Variants in ZNF391 observed in about 807,000 individuals in gnomAD.
ZNF391 encodes zinc finger protein 391.
For synonymous variants in ZNF391, 126 were observed against 142.1 expected (o/e 0.89, Z 0.80); for missense variants, 375 against 425.5 (o/e 0.88, Z 1.04).
chr6:27,389,299 TGGGA>T (rs1281850334), intron 1 of ZNF391: 1 of 455,678 alleles, frequency 2.2e-6, no homozygotes, highest in East Asian at 7.0e-5. Flanking sequence ...GGTGTATCCC[TGGGA>T]GATGAAAAAG....
Position 27,377,511 on chromosome 6 carries a change from AG to A in ZNF391, n.523+2375del, listed in dbSNP as rs200124011. 3.6e-3 allele frequency among the ~76,000 whole-genome samples: 549 copies of A among 152,364 alleles called. 4 individuals are homozygous for A. Among genetic ancestry groups the A allele is most frequent in the African/African-American group, 0.013 (521 of 41,582 alleles). On this transcript the variant is annotated intron_variant and non_coding_transcript_variant, in intron 1 of 2. Transcript: ENST00000477999. ...TTTGCCTCCTTTGGAAAGGCTAATC[AG>A]AAACTCAAAAAATGTAACTGTTTAT...
In ZNF391 at chr6:27,402,011, C is replaced by G. The variant is rs1287586953; in HGVS notation, c.*564C>G. 6.6e-6 allele frequency: 1 copy of G among 152,208 alleles called. No individual in the cohort carries two copies. The highest frequency in any genetic ancestry group is 1.5e-5 in the Non-Finnish European group (1 of 68,048). The allele number at this position is 152,208 out of a possible 1,614,324, so 9.4% of individuals were successfully genotyped here. On this transcript the variant is annotated 3_prime_UTR_variant, in exon 3 of 3. Coordinates refer to ENST00000244576, the MANE Select transcript of ZNF391 (RefSeq NM_001076781.3). ...GGGGATAATAGTGTTGAGGCAAATT[C>G]ATTCTCTTGACTTGCAAAAACAGAT...
At position 27,388,964 on chromosome 6, in the gene ZNF391, C is replaced by G; in HGVS notation, c.-299C>G. 2.2e-6 allele frequency: 1 copy of G among 456,522 alleles called. No individual in the cohort carries two copies. The highest frequency in any genetic ancestry group is 1.5e-5 in the South Asian group (1 of 64,526). 28.3% of individuals were successfully genotyped at this position (456,522 alleles called of 1,614,324 possible). A position where few individuals can be genotyped will look rare whatever the true frequency, so the allele number is the denominator to read the frequency against. On this transcript the variant is annotated 5_prime_UTR_variant, in exon 1 of 3. Transcript: ENST00000244576. Reference sequence around the variant, plus strand: ...TTCTCTTTAATCCTTCCGACTTCCCCAAGCCCAGCGCACTCAGGTTCCGCT... The same window carrying G: ...TTCTCTTTAATCCTTCCGACTTCCCGAAGCCCAGCGCACTCAGGTTCCGCT...
At chr6:27,396,251 C>A (rs570458541) in intron 1 of ZNF391, among the ~76,000 whole-genome samples, 1 of 152,064 alleles carries the variant, frequency 6.6e-6, no homozygotes, top group South Asian at 2.1e-4. Context: ...GATTTATAAT[C>A]GAATAATATG....
At position 27,403,146 on chromosome 6, in the gene ZNF391, T is replaced by TA. The variant is rs34885201; in HGVS notation, c.*1708dup. On this transcript the variant is annotated 3_prime_UTR_variant, in exon 3 of 3. Coordinates refer to ENST00000244576, the MANE Select transcript of ZNF391 (RefSeq NM_001076781.3). ...GCTCCTTACTAAACTACTACTTTGT[T>TA]AAAAAAAAATAGTCGTTTCCCAGTG... The TA allele has an allele frequency of 0.63, 95,312 of 151,106 alleles. 30,191 individuals carry two copies. Among genetic ancestry groups the TA allele is most frequent in the Middle Eastern group, 0.78 (229 of 294 alleles). The allele number at this position is 151,106 out of a possible 1,614,324, so 9.4% of individuals were successfully genotyped here.
At chr6:27,375,205 G>A (rs1761397632) in intron 1 of ZNF391, 1 of 152,384 alleles carries the variant, frequency 6.6e-6, no homozygotes, top group Non-Finnish European at 1.5e-5. Flanking sequence ...TGTCCGAAGA[G>A]AACTGCGCTT....
chr6:27,374,681 T>TA lies in ZNF391; in HGVS notation n.67_68insA, dbSNP rs1324474874. ...CAGCGGGAGCGGCTTCTCCAGTTTG[T>TA]GGCTCTCGGAGAGTTCGCCTCGTCC... is the stretch of plus-strand genomic sequence containing the variant. On this transcript the variant is annotated non_coding_transcript_exon_variant, in exon 1 of 3. Transcript: ENST00000477999. This position sits in a 1 kb window ranked among gnomAD's most constrained non-coding sequence, Gnocchi z 5.3. The TA allele has an allele frequency of 6.6e-6, 1 of 152,144 alleles. No individual in the cohort carries two copies. The highest frequency in any genetic ancestry group is 2.4e-5 in the African/African-American group (1 of 41,428). The allele number at this position is 152,144 out of a possible 1,614,324, so 9.4% of individuals were successfully genotyped here.
At chr6:27,395,482 T>C (rs550630234) in intron 1 of ZNF391, among the ~76,000 whole-genome samples, 1 of 152,334 alleles carries the variant, frequency 6.6e-6, no homozygotes, top group East Asian at 1.9e-4. Context: ...GCCAACACCA[T>C]GCTTTTACAG....
At chr6:27,399,360 A>G (rs1487136422) in intron 1 of ZNF391, 82 bp from the exon 2 acceptor site, 1 of 152,242 alleles carries the variant, frequency 6.6e-6, no homozygotes, top group African/African-American at 2.4e-5. Context: ...TTTTCTATAG[A>G]TAAAAACACT....
At chr6:27,375,583 A>G (rs936343742) in intron 1 of ZNF391, among the ~76,000 whole-genome samples, 2 of 152,240 alleles carry the variant, frequency 1.3e-5, no homozygotes, top group African/African-American at 2.4e-5. Context: ...AAAATAGCCA[A>G]TTAAGCACAC....
chr6:27,401,683 C>A lies in ZNF391; in HGVS notation c.*236C>A. The A allele has an allele frequency of 2.7e-6, 1 of 376,046 alleles. No individual in the cohort carries two copies. The highest frequency in any genetic ancestry group is 4.7e-6 in the Non-Finnish European group (1 of 210,714). 23.3% of individuals were successfully genotyped at this position (376,046 alleles called of 1,614,324 possible). On this transcript the variant is annotated 3_prime_UTR_variant, in exon 3 of 3. Transcript: ENST00000244576. The stretch of plus-strand genomic sequence containing the variant: ...CTCCCTCTCCCTGTTCTTTCTTTCT[C>A]TTTTCTCAAATAAGTTCACAATAAA...
rs1260608654 is a variant in ZNF391, at chr6:27,403,473, T to G, written c.*2026T>G. ...AAATCCTTTGTAGTGATGGTTTGCA[T>G]TATTCTCCTGTATTAGACACCTTCT... On this transcript the variant is annotated 3_prime_UTR_variant, in exon 3 of 3. Transcript: ENST00000244576. 4.6e-5 allele frequency: 7 copies of G among 152,230 alleles called. No homozygotes were observed. Among genetic ancestry groups the G allele is most frequent in the Admixed American group, 4.6e-4 (7 of 15,282 alleles). The allele number at this position is 152,230 out of a possible 1,614,324, so 9.4% of individuals were successfully genotyped here.
chr6:27,384,289 C>A (rs940906667), upstream of ZNF391, among the ~76,000 whole-genome samples: 14 of 151,618 alleles, frequency 9.2e-5, no homozygotes, highest in Non-Finnish European at 2.1e-4. Flanking sequence ...CATGGTGAAA[C>A]CCTGTCTCTA....
At chr6:27,385,181 A>G (rs1394452404), upstream of ZNF391, among the ~76,000 whole-genome samples, 1 of 151,154 alleles carries the variant, frequency 6.6e-6, no homozygotes, top group Non-Finnish European at 1.5e-5. Context: ...CTAATAAAAA[A>G]GAAAAATAAA....
chr6:27,378,962 A>C (rs1761458090), intron 1 of ZNF391, among the ~76,000 whole-genome samples: 1 of 151,910 alleles, frequency 6.6e-6, no homozygotes, highest in Non-Finnish European at 1.5e-5. Flanking sequence ...TCCTCTCTCT[A>C]TATTCATATG....
At position 27,402,360 on chromosome 6, in the gene ZNF391, A is replaced by G. The variant is rs1033113849; in HGVS notation, c.*913A>G. On this transcript the variant is annotated 3_prime_UTR_variant, in exon 3 of 3. Coordinates refer to ENST00000244576, the MANE Select transcript of ZNF391 (RefSeq NM_001076781.3). ...GTGCCTATTTCTCAGTCCTTTTTCT[A>G]CTTGACATTTGCAGAATTGGCACTT... is the stretch of plus-strand genomic sequence containing the variant. The G allele has an allele frequency of 6.6e-6, 1 of 151,938 alleles. No homozygotes were observed. The allele number at this position is 151,938 out of a possible 1,614,324, so 9.4% of individuals were successfully genotyped here.
At position 27,401,296 on chromosome 6, in the gene ZNF391, T is replaced by C; in HGVS notation, c.926T>C (p.Val309Ala). 3 of 1,613,460 alleles carry C rather than the reference T, an allele frequency of 1.9e-6. No homozygotes were observed. The highest frequency in any genetic ancestry group is 1.7e-6 in the Non-Finnish European group (2 of 1,179,864). Residue 309 changes from valine (V) to alanine (A), a missense_variant, in exon 3 of 3, where the codon GTG becomes GCG. Coordinates refer to ENST00000244576, the MANE Select transcript of ZNF391 (RefSeq NM_001076781.3). ...HSGEKPHECR[V>A]CGKGFSRSSS... is the part of the protein sequence containing the mutation. Reference sequence around the variant, plus strand: ...GGAGAAAAGCCTCACGAGTGTAGAGTGTGTGGAAAGGGCTTCAGTCGAAGC... The same window carrying C: ...GGAGAAAAGCCTCACGAGTGTAGAGCGTGTGGAAAGGGCTTCAGTCGAAGC...
At chr6:27,399,807 G>A (rs75221862) in intron 2 of ZNF391, among the ~76,000 whole-genome samples, 11,674 of 152,178 alleles carry the variant, frequency 0.077, 544 homozygotes, top group Middle Eastern at 0.18. Flanking sequence ...CAGTGTGGTC[G>A]TTACTATTTC....
chr6:27,387,438 C>T (rs2113644225), upstream of ZNF391, among the ~76,000 whole-genome samples: 1 of 151,828 alleles, frequency 6.6e-6, no homozygotes, highest in East Asian at 1.9e-4. Flanking sequence ...GGCCAAAAGG[C>T]AGGAACCACC....
Sources: allele counts gnomAD v4.1 joint callset (sites outside exome capture counted in the v4.1 genomes callset), GRCh38; gene constraint gnomAD v4.1.1; non-coding constraint Gnocchi (gnomAD v3.1); transcripts MANE v1.5; gene names NCBI Gene and HGNC (gene_info 2026-07-23, HGNC 2026-07-21).